The following CATSPERB variants were observed in gnomAD, a reference collection of about 807,000 sequenced individuals.
CATSPERB encodes cation channel sperm-associated auxiliary subunit beta.
In CATSPERB, 93 loss-of-function variants were observed where a neutral mutation model predicts 128.3. That is an observed-to-expected ratio of 0.72 (90% CI 0.61 to 0.86). The LOEUF (loss-of-function observed/expected upper bound fraction) is 0.86. Among genes scored for constraint, CATSPERB ranks in the 40% least tolerant of loss-of-function variants. The pLI, the probability that CATSPERB is intolerant of heterozygous loss-of-function variation, is 0.00. For missense variants in CATSPERB, 1,153 were observed against 1,329.5 expected (o/e 0.87, Z 2.06); for synonymous variants, 381 against 448.8 (o/e 0.85, Z 1.91).
chr14:91,725,180 A>G lies in CATSPERB; in HGVS notation c.80-12T>C. ...TTTCTCTGTATCATCTAAATAATAA[A>G]AAAAATACATATATTAGATCACTGA... On this transcript the variant is annotated splice_polypyrimidine_tract_variant and intron_variant, in intron 2 of 26. Transcript: ENST00000256343. The G allele has an allele frequency of 7.3e-7, 1 of 1,364,504 alleles. No homozygotes were observed. The highest frequency in any genetic ancestry group is 1.0e-6 in the Non-Finnish European group (1 of 1,000,766). The allele number at this position is 1,364,504 out of a possible 1,614,324, so 84.5% of individuals were successfully genotyped here. A position where few individuals can be genotyped will look rare whatever the true frequency, so the allele number is the denominator to read the frequency against.
At chr14:91,665,028 C>G (rs144856085) in intron 14 of CATSPERB, among the ~76,000 whole-genome samples, 10 of 151,780 alleles carry the variant, frequency 6.6e-5, no homozygotes, top group Admixed American at 6.6e-4. Context: ...TAGCTGGGAC[C>G]ACAGGAACGT....
intron 2 of CATSPERB, among the ~76,000 whole-genome samples, chr14:91,728,725 C>A (rs1033875466): frequency 2.6e-5 from 4 of 152,204 alleles, no homozygotes; most frequent in Non-Finnish European, 4.4e-5. Context: ...GTTATACTTT[C>A]AACAGCATGT....
At chr14:91,611,242 T>C (rs960501535) in intron 20 of CATSPERB, among the ~76,000 whole-genome samples, 2 of 152,146 alleles carry the variant, frequency 1.3e-5, no homozygotes, top group Admixed American at 6.6e-5. Context: ...ATAGAAAACA[T>C]ATTCTTTTCC....
chr14:91,728,683 G>A (rs139225300), intron 2 of CATSPERB, among the ~76,000 whole-genome samples: 54 of 152,226 alleles, frequency 3.5e-4, no homozygotes, highest in African/African-American at 7.9e-4. Flanking sequence ...TTACTCTTTC[G>A]CAAGCTTCTA....
At chr14:91,650,309 G>A (rs1466742286) in intron 15 of CATSPERB, among the ~76,000 whole-genome samples, 1 of 152,190 alleles carries the variant, frequency 6.6e-6, no homozygotes, top group Admixed American at 6.5e-5. Flanking sequence ...GTTATTGTGT[G>A]TGCAGAGAAG....
In CATSPERB at chr14:91,615,559, T is replaced by C. The variant is rs535604859; in HGVS notation, c.2400+2038A>G. Among the ~76,000 whole-genome samples the C allele has an allele frequency of 2.6e-5, 4 of 152,360 alleles. No individual in the cohort carries two copies. In the East Asian group the frequency reaches 7.7e-4, roughly 29 times the overall value. On this transcript the variant is annotated intron_variant, in intron 20 of 26. Coordinates refer to ENST00000256343, the MANE Select transcript of CATSPERB (RefSeq NM_024764.4). ...AGGATGTGTGGTATTTATCTTTCTGTGTGCCTGGCTTATTTCACTTAGCAT... is the reference window on the plus strand; with the variant it reads ...AGGATGTGTGGTATTTATCTTTCTGCGTGCCTGGCTTATTTCACTTAGCAT...
chr14:91,686,303 G>T (rs1895375224), intron 10 of CATSPERB, among the ~76,000 whole-genome samples: 1 of 152,096 alleles, frequency 6.6e-6, no homozygotes, highest in Non-Finnish European at 1.5e-5. Context: ...GTTCACTATG[G>T]AATCATTCTT....
At chr14:91,606,047 G>A (rs1286100155) in intron 22 of CATSPERB, among the ~76,000 whole-genome samples, 1 of 151,584 alleles carries the variant, frequency 6.6e-6, no homozygotes, top group African/African-American at 2.4e-5. Flanking sequence ...GTGGTGGTGG[G>A]TGCCTGTAAT....
chr14:91,675,161 T>TGG (rs1405847449), intron 11 of CATSPERB, among the ~76,000 whole-genome samples: 2 of 152,184 alleles, frequency 1.3e-5, no homozygotes, highest in Non-Finnish European at 2.9e-5. Context: ...TTGCAACGAG[T>TGG]GGGGCAATTG....
intron 22 of CATSPERB, among the ~76,000 whole-genome samples, chr14:91,594,165 A>G (rs1003447688): frequency 5.9e-5 from 9 of 152,248 alleles, no homozygotes; most frequent in Non-Finnish European, 8.8e-5. Flanking sequence ...TGATGAGTTC[A>G]GGTCCTTTGC....
intron 7 of CATSPERB, among the ~76,000 whole-genome samples, chr14:91,700,063 C>T (rs1895621237): frequency 1.3e-5 from 2 of 152,018 alleles, no homozygotes; most frequent in African/African-American, 2.4e-5. Context: ...AGATATTTCT[C>T]CTAATGCTAT....
At chr14:91,728,004 A>C (rs183822885) in intron 2 of CATSPERB, among the ~76,000 whole-genome samples, 4 of 152,138 alleles carry the variant, frequency 2.6e-5, no homozygotes, top group African/African-American at 9.7e-5. Flanking sequence ...CCATTTTTTC[A>C]GTCTCCCCTG....
intron 12 of CATSPERB, 131 bp downstream of exon 12, chr14:91,674,045 C>G: frequency 3.4e-6 from 2 of 588,506 alleles, no homozygotes; most frequent in East Asian, 3.1e-5. Context: ...AGTAGAAACA[C>G]CACTGGGAGC....
intron 18 of CATSPERB, among the ~76,000 whole-genome samples, chr14:91,623,313 AC>A (rs1010820113): frequency 1.3e-5 from 2 of 151,940 alleles, no homozygotes; most frequent in African/African-American, 4.8e-5. Flanking sequence ...CACCTTCCTC[AC>A]CTGGTTTGAC....
intron 14 of CATSPERB, among the ~76,000 whole-genome samples, chr14:91,665,836 C>T (rs1366823073): frequency 1.3e-5 from 2 of 152,144 alleles, no homozygotes; most frequent in Non-Finnish European, 2.9e-5. Flanking sequence ...CAGAACAAGA[C>T]TCCGTCTCAA....
chr14:91,627,062 A>T (rs1894177414), intron 17 of CATSPERB, among the ~76,000 whole-genome samples: 1 of 152,264 alleles, frequency 6.6e-6, no homozygotes, highest in South Asian at 2.1e-4. Flanking sequence ...CATTTGTAAT[A>T]GAAGAAATTG....
rs746327144 is a variant in CATSPERB, at chr14:91,659,934, G to A, written c.1335C>T (p.Asn445=). Residue 445 remains asparagine (N), a synonymous_variant, in exon 15 of 27, where the codon AAC becomes AAT. Transcript: ENST00000256343. ...TCTTCTTTATGATATCATCATGAAA[G>A]TTAGCTATTAATTGAAAGGTGTTGC... ...DGGNTFQLIA[N]FHDDIIKKTF... The A allele has an allele frequency of 2.5e-6, 4 of 1,602,688 alleles. No homozygotes were observed. Among genetic ancestry groups the A allele is most frequent in the South Asian group, 2.3e-5 (2 of 88,278 alleles).
intron 5 of CATSPERB, among the ~76,000 whole-genome samples, chr14:91,714,652 T>C (rs369849948): frequency 6.7e-6 from 1 of 148,602 alleles, no homozygotes; most frequent in East Asian, 2.0e-4. Context: ...CTCTGCCTCC[T>C]GGGTTCAAGC....
At chr14:91,609,071 A>G (rs774910149) in intron 21 of CATSPERB, among the ~76,000 whole-genome samples, 30 of 152,222 alleles carry the variant, frequency 2.0e-4, no homozygotes, top group Admixed American at 8.5e-4. Flanking sequence ...AAATGGATTT[A>G]TAGTAGTATT....
Sources: gnomAD v4.1 joint callset for allele counts (sites outside exome capture counted in the v4.1 genomes callset) on GRCh38, gnomAD v4.1.1 for gene constraint, MANE v1.5 for transcripts, NCBI Gene and HGNC (gene_info 2026-07-23, HGNC 2026-07-21) for gene names.